Variants in KCNIP4 observed in about 807,000 individuals in gnomAD.
KCNIP4 encodes Kv channel-interacting protein 4.
In KCNIP4, 12 loss-of-function variants were observed where a neutral mutation model predicts 34.0. The ratio of observed to expected loss-of-function variants is 0.35; its 90% confidence interval spans 0.23 to 0.57. The LOEUF is 0.57. Ranked by LOEUF, KCNIP4 falls within the 20% of genes least tolerant of loss-of-function variation. The pLI is 0.83. For synonymous variants in KCNIP4, 124 were observed against 102.2 expected, an observed-to-expected ratio of 1.21 and a Z score of -1.29; for missense variants, 238 against 311.7, an observed-to-expected ratio of 0.76 and a Z score of 1.78.
intron 1 of KCNIP4, among the ~76,000 whole-genome samples, chr4:21,748,828 A>G (rs561169236): frequency 6.6e-6 from 1 of 152,274 alleles, no homozygotes; most frequent in African/African-American, 2.4e-5. Flanking sequence ...AAAGTTAGGG[A>G]CAAAGAATCC....
intron 1 of KCNIP4, among the ~76,000 whole-genome samples, chr4:21,294,702 T>G (rs1037221193): frequency 3.3e-5 from 5 of 152,188 alleles, no homozygotes; most frequent in African/African-American, 1.2e-4. Context: ...GCATTGTGAT[T>G]TCTAACAAGT....
At chr4:21,601,331 T>G (rs960793197) in intron 1 of KCNIP4, among the ~76,000 whole-genome samples, 1 of 151,990 alleles carries the variant, frequency 6.6e-6, no homozygotes, top group African/African-American at 2.4e-5. Context: ...GACTGTCAAT[T>G]TACCCCAACT....
At chr4:20,997,478 G>A (rs78106090) in intron 1 of KCNIP4, among the ~76,000 whole-genome samples, 3,902 of 152,288 alleles carry the variant, frequency 0.026, 152 homozygotes, top group African/African-American at 0.084. Context: ...ACATTTCACT[G>A]GCTCTGACTA....
chr4:21,715,769 GA>G (rs1229861271), intron 1 of KCNIP4, among the ~76,000 whole-genome samples: 2 of 152,106 alleles, frequency 1.3e-5, no homozygotes, highest in Non-Finnish European at 1.5e-5. Flanking sequence ...AGTCCTAACT[GA>G]AAAAAGTTAT....
At position 21,368,863 on chromosome 4, in the gene KCNIP4, A is replaced by G. The variant is rs914060172; in HGVS notation, c.62-486154T>C. ...GCACAACCTATGTATGTTCTGGATT[A>G]TACAGGTGAAAGAATAACAGGGCAA... is the stretch of plus-strand genomic sequence containing the variant. On this transcript the variant is annotated intron_variant, in intron 1 of 8. Coordinates refer to ENST00000382152, the MANE Select transcript of KCNIP4 (RefSeq NM_025221.6). Among the ~76,000 whole-genome samples, 3 of 147,578 alleles carry G rather than the reference A, an allele frequency of 2.0e-5. 1 individual carries two copies. Among genetic ancestry groups the G allele is most frequent in the Non-Finnish European group, 1.5e-5 (1 of 68,036 alleles).
At chr4:20,966,631 A>G (rs1452856076) in intron 1 of KCNIP4, among the ~76,000 whole-genome samples, 7 of 152,232 alleles carry the variant, frequency 4.6e-5, no homozygotes, top group Admixed American at 6.5e-5. Context: ...GAAAATACCT[A>G]TGGACTATCT....
chr4:21,221,783 CAG>C (rs1178031249), intron 1 of KCNIP4, among the ~76,000 whole-genome samples: 1 of 152,104 alleles, frequency 6.6e-6, no homozygotes, highest in East Asian at 1.9e-4. Flanking sequence ...TTCAGTATTT[CAG>C]AGAGAATGGA....
chr4:20,752,301 A>T (rs1578528098), intron 4 of KCNIP4, among the ~76,000 whole-genome samples: 1 of 152,014 alleles, frequency 6.6e-6, no homozygotes, highest in African/African-American at 2.4e-5. Context: ...GCAGGTGATC[A>T]GCCTGCCTCA....
chr4:21,442,525 T>C (rs1172683618), intron 1 of KCNIP4, among the ~76,000 whole-genome samples: 1 of 152,270 alleles, frequency 6.6e-6, no homozygotes, highest in African/African-American at 2.4e-5. Context: ...CAAGAGATAA[T>C]GTTAGTCCAT....
intron 1 of KCNIP4, among the ~76,000 whole-genome samples, chr4:21,635,012 T>A (rs1746028855): frequency 6.6e-6 from 1 of 152,146 alleles, no homozygotes; most frequent in Non-Finnish European, 1.5e-5. Context: ...TTCTCCAGAT[T>A]TAAAAATGAA....
chr4:21,046,466 T>A (rs1742424707), intron 1 of KCNIP4, among the ~76,000 whole-genome samples: 1 of 152,166 alleles, frequency 6.6e-6, no homozygotes, highest in African/African-American at 2.4e-5. Context: ...AGTTTCAAAG[T>A]CAGAGTGATA....
At chr4:20,877,882 C>A (rs1577301186) in intron 2 of KCNIP4, among the ~76,000 whole-genome samples, 1 of 151,884 alleles carries the variant, frequency 6.6e-6, no homozygotes, top group South Asian at 2.1e-4. Flanking sequence ...TCATTATAAC[C>A]TTTTCAGGCC....
chr4:21,334,553 A>G (rs1349543555), intron 1 of KCNIP4, among the ~76,000 whole-genome samples: 1 of 152,076 alleles, frequency 6.6e-6, no homozygotes. Flanking sequence ...TACCCACTTA[A>G]GTGTACAACT....
At chr4:21,636,301 G>GAA (rs555744187) in intron 1 of KCNIP4, among the ~76,000 whole-genome samples, 3 of 138,162 alleles carry the variant, frequency 2.2e-5, no homozygotes, top group Non-Finnish European at 4.8e-5. Context: ...AAAAAAAAAG[G>GAA]AAAAAAAAAA....
intron 1 of KCNIP4, among the ~76,000 whole-genome samples, chr4:21,606,240 G>A (rs1283731256): frequency 1.3e-5 from 2 of 152,164 alleles, no homozygotes; most frequent in African/African-American, 2.4e-5. Flanking sequence ...AGTGAAGGTG[G>A]TGGTGGCTGG....
intron 1 of KCNIP4, among the ~76,000 whole-genome samples, chr4:21,563,526 A>G (rs1739618910): frequency 6.6e-6 from 1 of 152,162 alleles, no homozygotes; most frequent in African/African-American, 2.4e-5. Context: ...ATAGGCAACG[A>G]AAATTCCAAA....
intron 1 of KCNIP4, among the ~76,000 whole-genome samples, chr4:21,203,678 G>T (rs1200477332): frequency 6.6e-6 from 1 of 152,172 alleles, no homozygotes; most frequent in Non-Finnish European, 1.5e-5. Flanking sequence ...CTGCAGGGAT[G>T]CAAGGCAAGT....
intron 1 of KCNIP4, among the ~76,000 whole-genome samples, chr4:21,057,290 C>G (rs1743493997): frequency 6.6e-6 from 1 of 152,062 alleles, no homozygotes; most frequent in Admixed American, 6.6e-5. Flanking sequence ...TCCATGTAAA[C>G]TTTTTTCAAT....
chr4:21,211,612 C>T (rs564056307), intron 1 of KCNIP4, among the ~76,000 whole-genome samples: 1 of 152,076 alleles, frequency 6.6e-6, no homozygotes, highest in East Asian at 1.9e-4. Context: ...TCCCTGCTGC[C>T]AAAAAGATTG....
Sources: allele counts gnomAD v4.1 joint callset (sites outside exome capture counted in the v4.1 genomes callset), GRCh38; gene constraint gnomAD v4.1.1; transcripts MANE v1.5; gene names NCBI Gene and HGNC (gene_info 2026-07-23, HGNC 2026-07-21).